EPS8: variants seen among roughly 807,000 people sequenced by gnomAD.
EPS8 encodes the protein EGFR pathway substrate 8, signaling adaptor.
Under a neutral mutation model 103.8 loss-of-function variants are expected in EPS8, and 42 were observed. That is an observed-to-expected ratio of 0.40 (90% CI 0.32 to 0.52). The LOEUF (loss-of-function observed/expected upper bound fraction) is 0.52, where lower values mean the gene tolerates loss of function less well. Ranked by LOEUF, EPS8 falls within the 20% of genes least tolerant of loss-of-function variation. EPS8 has a pLI of 0.40. For missense variants in EPS8, 969 were observed against 1,005.1 expected (o/e 0.96, Z 0.49); for synonymous variants, 344 against 344.6 (o/e 1.00, Z 0.02).
In EPS8 at chr12:15,774,455, C is replaced by T. The variant is rs1289389505; in HGVS notation, c.-22+14706G>A. ...CACAAGGTTGCCACAGGGACGCCAA[C>T]CATCTGTCTAGTAAGTATGAATGAC... is the stretch of plus-strand genomic sequence containing the variant. On this transcript the variant is annotated intron_variant, in intron 1 of 20. Coordinates refer to ENST00000281172, the MANE Select transcript of EPS8 (RefSeq NM_004447.6). Among the ~76,000 whole-genome samples, 3 of 151,358 alleles carry T rather than the reference C, an allele frequency of 2.0e-5. No homozygotes were observed. The Admixed American group carries it at 2.0e-4, about 10-fold the overall frequency.
rs188952751 is a variant in EPS8, at chr12:15,718,303, A to G, written c.-21-35331T>C. Reference sequence around the variant, plus strand: ...TTTTGGCTAAAATACAGTAACTAGCAGTTTTACACTTTTCAACATAAAATT... The same window carrying G: ...TTTTGGCTAAAATACAGTAACTAGCGGTTTTACACTTTTCAACATAAAATT... On this transcript the variant is annotated intron_variant, in intron 1 of 20. Transcript: ENST00000281172. 5.9e-4 allele frequency among the ~76,000 whole-genome samples: 90 copies of G among 152,372 alleles called. 1 individual carries two copies. Among genetic ancestry groups the G allele is most frequent in the African/African-American group, 2.1e-3 (86 of 41,596 alleles).
Position 15,721,326 on chromosome 12 carries a change from T to G in EPS8, c.-21-38354A>C, listed in dbSNP as rs1946592964. ...AAACCTAACACACACCAAATAGATT[T>G]TTTAATTGACAAATAAAACCAAATA... On this transcript the variant is annotated intron_variant, in intron 1 of 20. Transcript: ENST00000281172. The surrounding 1 kb of genome is among the most constrained non-coding windows in gnomAD (Gnocchi z 4.4). Among the ~76,000 whole-genome samples, 1 of 152,200 alleles carries G rather than the reference T, an allele frequency of 6.6e-6. No individual in the cohort carries two copies. Among genetic ancestry groups the G allele is most frequent in the African/African-American group, 2.4e-5 (1 of 41,464 alleles).
rs1370350759 is a variant in EPS8, at chr12:15,771,108, A to G, written c.-22+18053T>C. Among the ~76,000 whole-genome samples, 1 of 152,224 alleles carries G rather than the reference A, an allele frequency of 6.6e-6. No homozygotes were observed. The highest frequency in any genetic ancestry group is 1.5e-5 in the Non-Finnish European group (1 of 68,038). On this transcript the variant is annotated intron_variant, in intron 1 of 20. Coordinates refer to ENST00000281172, the MANE Select transcript of EPS8 (RefSeq NM_004447.6). This position sits in a 1 kb window ranked among gnomAD's most constrained non-coding sequence, Gnocchi z 4.6. ...AAAAATATTAAGTGGGAGAGGTACC[A>G]AAGAAGGTAGATTATTCTACAATGG...
intron 17 of EPS8, among the ~76,000 whole-genome samples, chr12:15,637,891 C>T (rs777340700): frequency 2.0e-5 from 3 of 152,086 alleles, no homozygotes; most frequent in Non-Finnish European, 2.9e-5. Flanking sequence ...AGGATCTGCT[C>T]GGCGCTAGGC....
intron 1 of EPS8, among the ~76,000 whole-genome samples, chr12:15,737,578 C>A (rs1946778827): frequency 6.6e-6 from 1 of 152,052 alleles, no homozygotes; most frequent in African/African-American, 2.4e-5. Flanking sequence ...CTATTATTAT[C>A]CTAAATTAAC....
At chr12:15,680,657 T>C (rs1945988730) in intron 3 of EPS8, among the ~76,000 whole-genome samples, 1 of 152,144 alleles carries the variant, frequency 6.6e-6, no homozygotes, top group East Asian at 1.9e-4. Context: ...CCTAAACATA[T>C]GTGGCAAACT....
intron 6 of EPS8, among the ~76,000 whole-genome samples, chr12:15,669,036 G>A (rs558389746): frequency 2.0e-5 from 3 of 152,258 alleles, no homozygotes; most frequent in African/African-American, 2.4e-5. Flanking sequence ...GACTACAAGC[G>A]TGTACAACCA....
At chr12:15,774,120 A>G (rs529017795) in intron 1 of EPS8, among the ~76,000 whole-genome samples, 1 of 152,056 alleles carries the variant, frequency 6.6e-6, no homozygotes, top group Non-Finnish European at 1.5e-5. Context: ...AAATTCTTCA[A>G]AAATAACTAA....
chr12:15,723,127 T>C (rs1188687810), intron 1 of EPS8, among the ~76,000 whole-genome samples: 1 of 151,668 alleles, frequency 6.6e-6, no homozygotes, highest in Non-Finnish European at 1.5e-5. Context: ...CTGGGCAACA[T>C]GGTGAAATCT....
At chr12:15,648,057 C>T (rs758930552) in intron 14 of EPS8, among the ~76,000 whole-genome samples, 2 of 152,218 alleles carry the variant, frequency 1.3e-5, no homozygotes, top group African/African-American at 4.8e-5. Flanking sequence ...AAAGGCGCAG[C>T]TCATCTGACA....
At position 15,673,800 on chromosome 12, in the gene EPS8, CTAACA is replaced by C. The variant is rs199852024; in HGVS notation, c.137-2882_137-2878del. Among the ~76,000 whole-genome samples the C allele has an allele frequency of 1.3e-3, 195 of 152,280 alleles. 4 individuals are homozygous for C. The East Asian group carries it at 0.034, about 27-fold the overall frequency. Reference sequence around the variant, plus strand: ...TCTAGTAGTACAAGCTGCTCAACTCCTAACATAAGACTAAGTCTATTTCCCCTCCT... The same window carrying C: ...TCTAGTAGTACAAGCTGCTCAACTCCTAAGACTAAGTCTATTTCCCCTCCT... On this transcript the variant is annotated intron_variant, in intron 3 of 20. Transcript: ENST00000281172.
chr12:15,672,326 T>C (rs1945831280), intron 3 of EPS8: 2 of 392,902 alleles, frequency 5.1e-6, no homozygotes, highest in Non-Finnish European at 9.0e-6. Context: ...ACTTTTAAAA[T>C]TTAGATTAAA....
At chr12:15,672,792 G>T (rs1945839308) in intron 3 of EPS8, among the ~76,000 whole-genome samples, 1 of 152,100 alleles carries the variant, frequency 6.6e-6, no homozygotes, top group Non-Finnish European at 1.5e-5. Flanking sequence ...AGAGTCACTG[G>T]TTCACCATAT....
At chr12:15,659,382 T>C (rs1297888730) in intron 10 of EPS8, among the ~76,000 whole-genome samples, 1 of 151,472 alleles carries the variant, frequency 6.6e-6, no homozygotes, top group African/African-American at 2.4e-5. Flanking sequence ...GATATGAAAA[T>C]GAAAAGGGAA....
At chr12:15,629,834 A>T (rs553635730) in intron 18 of EPS8, among the ~76,000 whole-genome samples, 96 of 152,312 alleles carry the variant, frequency 6.3e-4, no homozygotes, top group African/African-American at 2.2e-3. Flanking sequence ...TTTTTATTTT[A>T]TCAAGAATGT....
intron 2 of EPS8, among the ~76,000 whole-genome samples, chr12:15,681,574 T>C (rs559270543): frequency 6.2e-4 from 93 of 150,868 alleles, no homozygotes; most frequent in African/African-American, 2.2e-3. Context: ...CTACCGAAAA[T>C]ACAAAATTAG....
chr12:15,713,091 C>G lies in EPS8; in HGVS notation c.-21-30119G>C. Reference sequence around the variant, plus strand: ...GTAAACACAGCTACCACTACACTTCCAACTCTTGCCTAAGATGATTTTTTT... The same window carrying G: ...GTAAACACAGCTACCACTACACTTCGAACTCTTGCCTAAGATGATTTTTTT... On this transcript the variant is annotated intron_variant, in intron 1 of 20. Transcript: ENST00000281172. This position sits in a 1 kb window ranked among gnomAD's most constrained non-coding sequence, Gnocchi z 4.8. The G allele has an allele frequency of 1.7e-6, 1 of 588,818 alleles. No homozygotes were observed. Among genetic ancestry groups the G allele is most frequent in the Middle Eastern group, 8.3e-4 (1 of 1,212 alleles). The allele number at this position is 588,818 out of a possible 1,614,324, so 36.5% of individuals were successfully genotyped here.
chr12:15,744,347 CTTAT>C (rs1946854608), intron 1 of EPS8, among the ~76,000 whole-genome samples: 1 of 152,198 alleles, frequency 6.6e-6, no homozygotes, highest in East Asian at 1.9e-4. Context: ...CTGCCCCTTC[CTTAT>C]TTAATTGGTC....
At chr12:15,640,659 C>T (rs373358625) in intron 17 of EPS8, 44 bp downstream of exon 17, 25 of 1,562,716 alleles carry the variant, frequency 1.6e-5, no homozygotes, top group Middle Eastern at 1.7e-4. Flanking sequence ...GTGATAACTT[C>T]GTAAATGTGT....
Sources: allele counts gnomAD v4.1 joint callset (sites outside exome capture counted in the v4.1 genomes callset), GRCh38; gene constraint gnomAD v4.1.1; non-coding constraint Gnocchi (gnomAD v3.1); transcripts MANE v1.5; gene names NCBI Gene and HGNC (gene_info 2026-07-23, HGNC 2026-07-21).